RAP1GAP2: variants seen among roughly 807,000 people sequenced by gnomAD.
RAP1GAP2 encodes rap1 GTPase-activating protein 2.
Under a neutral mutation model 95.0 loss-of-function variants are expected in RAP1GAP2, and 27 were observed. The observed-to-expected ratio is 0.28, with a 90% CI of 0.21 to 0.39. RAP1GAP2 has a LOEUF of 0.39. RAP1GAP2 is among the 10% of genes least tolerant of loss of function. The pLI, the probability that RAP1GAP2 is intolerant of heterozygous loss-of-function variation, is 1.00. For synonymous variants in RAP1GAP2, 373 were observed against 380.9 expected (o/e 0.98, Z 0.24); for missense variants, 771 against 970.0 (o/e 0.79, Z 2.72).
intron 1 of RAP1GAP2, among the ~76,000 whole-genome samples, chr17:2,761,020 T>C (rs769706547): frequency 6.6e-6 from 1 of 151,976 alleles, no homozygotes; most frequent in African/African-American, 2.4e-5. Context: ...AATGGTGTGA[T>C]CTCTGCACAC....
chr17:2,849,482 T>C (rs1340812373), intron 2 of RAP1GAP2, among the ~76,000 whole-genome samples: 2 of 152,212 alleles, frequency 1.3e-5, no homozygotes, highest in African/African-American at 4.8e-5. Flanking sequence ...AAGGCCCTTT[T>C]CTTCAGGGCC....
intron 17 of RAP1GAP2, among the ~76,000 whole-genome samples, chr17:3,014,508 C>A (rs114472730): frequency 0.013 from 1,950 of 150,022 alleles, 31 homozygotes; most frequent in African/African-American, 0.044. Flanking sequence ...ATGGTGTTGT[C>A]AACGCACAAG....
chr17:2,949,658 G>C (rs185736872), intron 3 of RAP1GAP2, among the ~76,000 whole-genome samples: 37 of 130,128 alleles, frequency 2.8e-4, no homozygotes, highest in African/African-American at 6.5e-4. Flanking sequence ...AGCATTAACT[G>C]AGTGCCTTCT....
At chr17:2,836,247 G>A (rs1468610225) in intron 2 of RAP1GAP2, among the ~76,000 whole-genome samples, 1 of 151,218 alleles carries the variant, frequency 6.6e-6, no homozygotes, top group Non-Finnish European at 1.5e-5. Context: ...ACTAGTGACA[G>A]AAACCTTACT....
At chr17:2,967,153 G>T (rs531274859) in intron 8 of RAP1GAP2, among the ~76,000 whole-genome samples, 1 of 152,100 alleles carries the variant, frequency 6.6e-6, no homozygotes, top group South Asian at 2.1e-4. Flanking sequence ...TGGATCACGA[G>T]GTCAGGAGAT....
At chr17:2,786,679 C>G (rs2068785237) in intron 1 of RAP1GAP2, among the ~76,000 whole-genome samples, 1 of 150,272 alleles carries the variant, frequency 6.7e-6, no homozygotes. Context: ...GAGTCTCACT[C>G]TGTTGCCCAG....
chr17:2,864,122 A>G (rs1039326931), intron 2 of RAP1GAP2, among the ~76,000 whole-genome samples: 1 of 150,946 alleles, frequency 6.6e-6, no homozygotes. Context: ...ACGTAGCAGC[A>G]TGCCATCCTG....
intron 3 of RAP1GAP2, among the ~76,000 whole-genome samples, chr17:2,921,406 T>C (rs1421171138): frequency 6.6e-6 from 1 of 152,080 alleles, no homozygotes; most frequent in East Asian, 1.9e-4. Flanking sequence ...TTTTGCCATG[T>C]TGGTCAGGCT....
intron 1 of RAP1GAP2, among the ~76,000 whole-genome samples, chr17:2,789,607 TAAAAAAAAAA>T (rs546111176): frequency 2.7e-5 from 2 of 74,810 alleles, no homozygotes; most frequent in South Asian, 5.8e-4. Flanking sequence ...CAGTCTCTAC[TAAAAAAAAAA>T]AAAAAAAAAA....
chr17:3,000,479 A>G (rs1375005857), intron 14 of RAP1GAP2, among the ~76,000 whole-genome samples: 5 of 78,048 alleles, frequency 6.4e-5, no homozygotes, highest in East Asian at 3.4e-4. Context: ...CACCAGGCTG[A>G]AGTGGGGCTC....
intron 2 of RAP1GAP2, among the ~76,000 whole-genome samples, chr17:2,863,603 C>T (rs1454548109): frequency 1.3e-5 from 2 of 152,188 alleles, no homozygotes; most frequent in Non-Finnish European, 2.9e-5. Flanking sequence ...AGATCTTTAT[C>T]AGTCACACTG....
chr17:2,980,913 T>G (rs1052245835), intron 9 of RAP1GAP2, among the ~76,000 whole-genome samples: 4 of 152,148 alleles, frequency 2.6e-5, no homozygotes, highest in African/African-American at 4.8e-5. Context: ...TGGAAACCTT[T>G]GGTGGCAGTT....
intron 2 of RAP1GAP2, among the ~76,000 whole-genome samples, chr17:2,878,931 C>T (rs745352325): frequency 1.3e-5 from 2 of 152,184 alleles, no homozygotes; most frequent in African/African-American, 2.4e-5. Flanking sequence ...CTTCCCGTGA[C>T]GGTTGTGACG....
chr17:2,819,477 T>A lies in RAP1GAP2; in HGVS notation c.80+18927T>A, dbSNP rs955209017. 4.8e-5 allele frequency among the ~76,000 whole-genome samples: 7 copies of A among 145,894 alleles called. No individual in the cohort carries two copies. In the South Asian group the frequency reaches 7.0e-4, roughly 15 times the overall value. ...ATCACAGGAGCATGCCACCACACAC[T>A]TTTTTTTTTCTTTTTTGACGGAGTC... On this transcript the variant is annotated intron_variant, in intron 2 of 24. Transcript: ENST00000254695.
intron 1 of RAP1GAP2, among the ~76,000 whole-genome samples, chr17:2,780,066 T>TG (rs2068604466): frequency 6.6e-6 from 1 of 152,116 alleles, no homozygotes; most frequent in Non-Finnish European, 1.5e-5. Context: ...TTCCTTTTTT[T>TG]TGAGATGGAG....
intron 2 of RAP1GAP2, among the ~76,000 whole-genome samples, chr17:2,834,902 A>ATAAAT (rs975934976): frequency 1.3e-5 from 2 of 152,104 alleles, no homozygotes; most frequent in Non-Finnish European, 2.9e-5. Flanking sequence ...TTAAATTAAA[A>ATAAAT]TAAATTAAAT....
chr17:2,772,855 C>CTT (rs773565092), upstream of RAP1GAP2, among the ~76,000 whole-genome samples: 11 of 126,034 alleles, frequency 8.7e-5, no homozygotes, highest in East Asian at 2.4e-4. Context: ...TTCTTTCTTT[C>CTT]TTTTTTTTTT....
chr17:2,775,200 G>A (rs1264893931), upstream of RAP1GAP2, among the ~76,000 whole-genome samples: 2 of 152,100 alleles, frequency 1.3e-5, no homozygotes, highest in African/African-American at 4.8e-5. Flanking sequence ...TCCTGCTCTG[G>A]GTCAGGCCCT....
chr17:2,792,966 C>G (rs1207593451), upstream of RAP1GAP2, among the ~76,000 whole-genome samples: 1 of 152,146 alleles, frequency 6.6e-6, no homozygotes. Context: ...GCTTTGTCTT[C>G]CCCTAGAATG....
Sources: allele counts gnomAD v4.1 joint callset (sites outside exome capture counted in the v4.1 genomes callset), GRCh38; gene constraint gnomAD v4.1.1; transcripts MANE v1.5; gene names NCBI Gene and HGNC (gene_info 2026-07-23, HGNC 2026-07-21).